Variants in DSE observed in about 807,000 individuals in gnomAD.
DSE encodes the protein dermatan-sulfate epimerase.
In DSE, 36 loss-of-function variants were observed where a neutral mutation model predicts 84.4. The ratio of observed to expected loss-of-function variants is 0.43; its 90% CI spans 0.33 to 0.56. The LOEUF (loss-of-function observed/expected upper bound fraction) is 0.56, where lower values mean the gene tolerates loss of function less well. DSE is among the 20% of genes least tolerant of loss of function. DSE has a pLI of 0.06. For synonymous variants in DSE, 410 were observed against 430.1 expected, an observed-to-expected ratio of 0.95 and a Z score of 0.58; for missense variants, 862 against 1,169.6, an observed-to-expected ratio of 0.74 and a Z score of 3.84.
chr6:116,255,704 T>A (rs1772113771), intron 1 of DSE: 1 of 152,258 alleles, frequency 6.6e-6, no homozygotes, highest in Admixed American at 6.5e-5. Flanking sequence ...CTGCTCTGTT[T>A]CTTTTCCAAA....
At chr6:116,303,057 A>G (rs1478316224) in intron 2 of DSE, among the ~76,000 whole-genome samples, 6 of 151,952 alleles carry the variant, frequency 3.9e-5, no homozygotes, top group South Asian at 4.2e-4. Context: ...ATCTCATCCA[A>G]TTCGTCCAAT....
At chr6:116,362,527 G>A (rs892942770) in intron 2 of DSE, among the ~76,000 whole-genome samples, 5 of 152,210 alleles carry the variant, frequency 3.3e-5, no homozygotes. Flanking sequence ...TGCAGGCCAC[G>A]TGAGAACATA....
At chr6:116,416,647 A>G (rs1344316860) in intron 2 of DSE, among the ~76,000 whole-genome samples, 3 of 152,060 alleles carry the variant, frequency 2.0e-5, no homozygotes, top group African/African-American at 7.2e-5. Flanking sequence ...GCCCAAGCCA[A>G]CATTTATATA....
intron 1 of DSE, among the ~76,000 whole-genome samples, chr6:116,374,797 A>C (rs182388429): frequency 6.6e-6 from 1 of 152,234 alleles, no homozygotes; most frequent in Non-Finnish European, 1.5e-5. Context: ...TGAATCCATT[A>C]ACCTATTAAT....
intron 2 of DSE, among the ~76,000 whole-genome samples, chr6:116,407,056 A>C (rs1781976801): frequency 6.6e-6 from 1 of 152,234 alleles, no homozygotes; most frequent in Admixed American, 6.5e-5. Context: ...CTACACAGAG[A>C]TTGATCAGAT....
intron 1 of DSE, among the ~76,000 whole-genome samples, chr6:116,385,414 A>G (rs1048087233): frequency 2.6e-5 from 4 of 151,876 alleles, no homozygotes; most frequent in Non-Finnish European, 5.9e-5. Context: ...CAGGCAAGAC[A>G]TGGTATGGCT....
At chr6:116,388,982 G>A (rs770447321) in intron 1 of DSE, among the ~76,000 whole-genome samples, 26 of 152,244 alleles carry the variant, frequency 1.7e-4, no homozygotes, top group Non-Finnish European at 3.1e-4. Flanking sequence ...CTCCTGAAGA[G>A]ACTGCAAGGT....
Position 116,437,311 on chromosome 6 carries a change from G to A in DSE, c.2843G>A (p.Trp948Ter), listed in dbSNP as rs374625904. Residue 948 changes from tryptophan (W) to a stop codon, truncating the protein, a stop_gained, in exon 6 of 6, where the codon TGG becomes TAG. Coordinates refer to ENST00000644252, the MANE Select transcript of DSE (RefSeq NM_013352.4). LOFTEE classifies it high-confidence loss of function. ...VLLIDSCILL[W>*]LYSSCSQSQC ...CTCATAGATAGCTGTATTTTATTATGGTTGTACTCTTCTTGTTCCCAATCA... is the reference window on the plus strand; with the variant it reads ...CTCATAGATAGCTGTATTTTATTATAGTTGTACTCTTCTTGTTCCCAATCA... 11 of 1,612,726 alleles carry A rather than the reference G, an allele frequency of 6.8e-6. No homozygotes were observed. The highest frequency in any genetic ancestry group is 1.3e-5 in the African/African-American group (1 of 74,778).
At chr6:116,378,538 A>G (rs1443214167) in intron 1 of DSE, among the ~76,000 whole-genome samples, 3 of 152,188 alleles carry the variant, frequency 2.0e-5, no homozygotes, top group African/African-American at 7.2e-5. Context: ...TAAACATTGC[A>G]AAACTCCTCC....
intron 2 of DSE, among the ~76,000 whole-genome samples, chr6:116,336,353 T>C (rs1373300576): frequency 1.3e-5 from 2 of 152,198 alleles, no homozygotes; most frequent in Admixed American, 1.3e-4. Context: ...GTAACAGTTA[T>C]AATTTGTAAG....
rs142380309 is a variant in DSE at position 116,257,646 on chromosome 6, C to T, written c.-575-800C>T. ...GAGGGCCTACATCCTGATTCTTAGA[C>T]TGTAGTTTGTTGTTTTTTTGTGTTT... On this transcript the variant is annotated intron_variant, in intron 1 of 3. Transcript: ENST00000430252. Among the ~76,000 whole-genome samples, 899 of 152,262 alleles carry T rather than the reference C, an allele frequency of 5.9e-3. 9 individuals carry two copies. The highest frequency in any genetic ancestry group is 0.021 in the African/African-American group (869 of 41,540).
chr6:116,268,290 G>T (rs1338834820), intron 2 of DSE, among the ~76,000 whole-genome samples: 1 of 152,152 alleles, frequency 6.6e-6, no homozygotes, highest in East Asian at 1.9e-4. Context: ...ATTGCTTATA[G>T]AATTCAGTAC....
chr6:116,277,000 AAACAAG>A (rs1773172466), intron 2 of DSE: 1 of 152,264 alleles, frequency 6.6e-6, no homozygotes, highest in Non-Finnish European at 1.5e-5. Flanking sequence ...AGTTTAACAG[AAACAAG>A]AACAAGTTGA....
intron 1 of DSE, among the ~76,000 whole-genome samples, 184 bp from the exon 2 acceptor site, chr6:116,399,014 G>A (rs1046195284): frequency 3.3e-5 from 5 of 152,114 alleles, no homozygotes; most frequent in Admixed American, 6.5e-5. Context: ...GATGTAGTAT[G>A]TTTAACTCTA....
intron 2 of DSE, among the ~76,000 whole-genome samples, chr6:116,421,465 T>TATATA (rs60351849): frequency 5.6e-4 from 17 of 30,596 alleles, no homozygotes; most frequent in East Asian, 1.5e-3. Context: ...ATATATATAT[T>TATATA]TTTTTTTTTT....
chr6:116,274,178 G>A (rs1456429217), intron 2 of DSE, among the ~76,000 whole-genome samples: 2 of 152,080 alleles, frequency 1.3e-5, no homozygotes, highest in Non-Finnish European at 2.9e-5. Flanking sequence ...TGCAGAGCTA[G>A]ACTCAGATAT....
chr6:116,369,932 G>A (rs1333232375), upstream of DSE: 1 of 1,289,366 alleles, frequency 7.8e-7, no homozygotes, highest in Non-Finnish European at 1.0e-6. Flanking sequence ...GAATGGGTAA[G>A]TATCCTACAA....
intron 2 of DSE, among the ~76,000 whole-genome samples, chr6:116,348,309 C>G (rs909733234): frequency 6.6e-6 from 1 of 152,026 alleles, no homozygotes; most frequent in African/African-American, 2.4e-5. Flanking sequence ...CGCCTGTAGT[C>G]CCAGCTACTC....
At chr6:116,389,423 A>T (rs574474141) in intron 1 of DSE, among the ~76,000 whole-genome samples, 38 of 152,038 alleles carry the variant, frequency 2.5e-4, no homozygotes, top group Admixed American at 2.0e-4. Context: ...TAAAGGTGCT[A>T]CCTCATTTAA....
Sources: allele counts gnomAD v4.1 joint callset (sites outside exome capture counted in the v4.1 genomes callset), GRCh38; gene constraint gnomAD v4.1.1; transcripts MANE v1.5; gene names NCBI Gene and HGNC (gene_info 2026-07-23, HGNC 2026-07-21).